STIL: variants seen among roughly 807,000 people sequenced by gnomAD.
STIL encodes the protein STIL centriolar assembly protein.
STIL carries 55 observed loss-of-function variants against 110.1 expected under a neutral mutation model. The observed-to-expected ratio is 0.50, with a 90% CI of 0.40 to 0.63. The LOEUF (loss-of-function observed/expected upper bound fraction) is 0.63. Ranked by LOEUF, STIL falls within the 20% of genes least tolerant of loss-of-function variation. STIL has a pLI of 0.00. For missense variants in STIL, 1,358 were observed against 1,530.0 expected (o/e 0.89, Z 1.87); for synonymous variants, 481 against 530.0 (o/e 0.91, Z 1.27).
chr1:47,278,742 G>A (rs11211504), intron 12 of STIL, among the ~76,000 whole-genome samples: 33,740 of 151,708 alleles, frequency 0.22, 4,417 homozygotes, highest in East Asian at 0.53. Context: ...AAAGCAGAAA[G>A]ATCACTTGAG....
chr1:47,301,645 C>A lies in STIL; in HGVS notation c.369G>T (p.Leu123Phe), dbSNP rs1553181461. 6.2e-7 allele frequency: 1 copy of A among 1,613,942 alleles called. No homozygotes were observed. The highest frequency in any genetic ancestry group is 8.5e-7 in the Non-Finnish European group (1 of 1,179,982). Residue 123 changes from leucine (L) to phenylalanine (F), a missense_variant, in exon 5 of 17, where the codon TTG becomes TTT. Coordinates refer to ENST00000371877, the MANE Select transcript of STIL (RefSeq NM_001048166.1). ...CTTGAGTATGAACTTTGCATGGAAT[C>A]AAAAAGTCCCCAGGAAGAGAAGCAG... Reference protein sequence around the residue: ...TPTASLPGDFLIPCKVHTQEL... With the variant: ...TPTASLPGDFFIPCKVHTQEL...
chr1:47,261,265 G>C (rs1326791420), intron 15 of STIL, among the ~76,000 whole-genome samples: 1 of 151,676 alleles, frequency 6.6e-6, no homozygotes. Context: ...GCACGTACCT[G>C]TGGTCCCGGC....
intron 12 of STIL, among the ~76,000 whole-genome samples, chr1:47,279,351 T>C (rs964985032): frequency 6.6e-6 from 1 of 151,668 alleles, no homozygotes; most frequent in Non-Finnish European, 1.5e-5. Context: ...TATAGGATCA[T>C]GAAAAATATT....
intron 12 of STIL, among the ~76,000 whole-genome samples, chr1:47,278,646 G>A: frequency 6.6e-6 from 1 of 152,002 alleles, no homozygotes; most frequent in South Asian, 2.1e-4. Flanking sequence ...TTTTTGCTAA[G>A]TGTTTATAAT....
At chr1:47,263,199 A>G in intron 14 of STIL, 83 bp from the exon 15 acceptor site, 1 of 1,242,900 alleles carries the variant, frequency 8.0e-7, no homozygotes, top group Non-Finnish European at 1.2e-6. Flanking sequence ...AAAAGGGTTA[A>G]GACTCAAGCA....
chr1:47,285,092 T>C (rs1645260280), intron 10 of STIL, among the ~76,000 whole-genome samples: 1 of 147,426 alleles, frequency 6.8e-6, no homozygotes, highest in South Asian at 2.2e-4. Flanking sequence ...GCCACGAACA[T>C]GGCTCACTGA....
rs755713452 is a variant in STIL, at chr1:47,280,595, T to C, written c.1863A>G (p.Gln621=). 2 of 1,614,256 alleles carry C rather than the reference T, an allele frequency of 1.2e-6. No individual in the cohort carries two copies. The highest frequency in any genetic ancestry group is 4.5e-5 in the East Asian group (2 of 44,888). Residue 621 remains glutamine, a synonymous_variant, in exon 12 of 17, where the codon CAA becomes CAG. Transcript: ENST00000371877. ...GAATGGATCCAACTGTGTTTGCTCC[T>C]TGCCAAGAATTTAGCGGACTATATT... is the stretch of plus-strand genomic sequence containing the variant. ...HIQYSPLNSW[Q]GANTVGSIQD... is the part of the protein sequence containing the mutation.
In STIL at chr1:47,314,057, G is replaced by C. The variant is rs886046393; in HGVS notation, c.-65C>G. 4 of 152,296 alleles carry C rather than the reference G, an allele frequency of 2.6e-5. No homozygotes were observed. The highest frequency in any genetic ancestry group is 6.5e-5 in the Admixed American group (1 of 15,286). The allele number at this position is 152,296 out of a possible 1,614,324, so 9.4% of individuals were successfully genotyped here. A position where few individuals can be genotyped will look rare whatever the true frequency, so the allele number is the denominator to read the frequency against. ...TTACCGCAACTTCCGCGGAGCTGAG[G>C]TCTGTTTGCAGGGTAGGAGCGGGAG... On this transcript the variant is annotated 5_prime_UTR_variant, in exon 1 of 17. Transcript: ENST00000371877.
intron 16 of STIL, among the ~76,000 whole-genome samples, chr1:47,258,944 T>C (rs1420482334): frequency 1.3e-5 from 2 of 149,640 alleles, no homozygotes; most frequent in Admixed American, 6.7e-5. Context: ...TGAACATGCA[T>C]GGAACATTTC....
At chr1:47,287,524 A>T (rs1369249065) in intron 10 of STIL, 27 bp downstream of exon 10, 1 of 1,429,954 alleles carries the variant, frequency 7.0e-7, no homozygotes, top group Non-Finnish European at 9.7e-7. Flanking sequence ...AAAAAAACAC[A>T]CACATAATAA....
chr1:47,284,713 A>G (rs143295296), intron 10 of STIL, among the ~76,000 whole-genome samples: 1,611 of 152,140 alleles, frequency 0.011, 27 homozygotes, highest in African/African-American at 0.037. Flanking sequence ...AACATGGTGA[A>G]ACCCCATCTC....
At chr1:47,267,429 G>A (rs1480310107) in intron 14 of STIL, among the ~76,000 whole-genome samples, 2 of 152,034 alleles carry the variant, frequency 1.3e-5, no homozygotes, top group African/African-American at 2.4e-5. Flanking sequence ...TTTAGGCCAG[G>A]TGCAGTGGCT....
chr1:47,266,313 T>A (rs1208196686), intron 14 of STIL, among the ~76,000 whole-genome samples: 1 of 152,218 alleles, frequency 6.6e-6, no homozygotes, highest in African/African-American at 2.4e-5. Context: ...GCTTATTAAT[T>A]TCTAAAAAGT....
At chr1:47,254,040 G>T (rs933882363) in intron 16 of STIL, among the ~76,000 whole-genome samples, 1 of 151,838 alleles carries the variant, frequency 6.6e-6, no homozygotes, top group Non-Finnish European at 1.5e-5. Context: ...AATTAGCTGG[G>T]CGTGGTGGCG....
intron 16 of STIL, among the ~76,000 whole-genome samples, chr1:47,257,624 T>C (rs1644363732): frequency 6.6e-6 from 1 of 152,280 alleles, no homozygotes; most frequent in African/African-American, 2.4e-5. Context: ...GGGGCCATTT[T>C]GATGTAGATC....
At chr1:47,305,717 C>T (rs113534721) in intron 2 of STIL, among the ~76,000 whole-genome samples, 69 of 143,472 alleles carry the variant, frequency 4.8e-4, no homozygotes, top group African/African-American at 1.6e-3. Context: ...TGAGCCACCA[C>T]GCCTGGCCTT....
chr1:47,268,433 G>A (rs574032290), intron 14 of STIL, among the ~76,000 whole-genome samples: 4 of 151,660 alleles, frequency 2.6e-5, no homozygotes, highest in East Asian at 3.9e-4. Flanking sequence ...GTGAAAAAGC[G>A]AGACTCTTGT....
intron 16 of STIL, among the ~76,000 whole-genome samples, chr1:47,258,253 G>A (rs983831835): frequency 1.5e-4 from 23 of 152,158 alleles, no homozygotes; most frequent in Admixed American, 1.2e-3. Flanking sequence ...ACTATTGGTA[G>A]GAATATAAAC....
intron 2 of STIL, among the ~76,000 whole-genome samples, chr1:47,310,046 C>T (rs1446718341): frequency 6.6e-6 from 1 of 152,112 alleles, no homozygotes; most frequent in Non-Finnish European, 1.5e-5. Context: ...TATTCAACCC[C>T]ACACAATAAT....
Sources: allele counts gnomAD v4.1 joint callset (sites outside exome capture counted in the v4.1 genomes callset), GRCh38; gene constraint gnomAD v4.1.1; transcripts MANE v1.5; gene names NCBI Gene and HGNC (gene_info 2026-07-23, HGNC 2026-07-21).